MAPKAP1: variants seen among roughly 807,000 people sequenced by gnomAD.
The protein encoded by MAPKAP1 is target of rapamycin complex 2 subunit MAPKAP1.
Under a neutral mutation model 65.7 loss-of-function variants are expected in MAPKAP1, and 20 were observed. The ratio of observed to expected loss-of-function variants is 0.30; its 90% CI spans 0.21 to 0.44. The LOEUF (loss-of-function observed/expected upper bound fraction) is 0.44, where lower values mean the gene tolerates loss of function less well. MAPKAP1 is among the 20% of genes least tolerant of loss of function. The probability of loss-of-function intolerance (pLI) is 1.00; values close to 1 mark genes in which losing one functional copy is unlikely to be tolerated. For synonymous variants in MAPKAP1, 222 were observed against 244.3 expected (o/e 0.91, Z 0.85); for missense variants, 423 against 648.0 (o/e 0.65, Z 3.77).
rs747353578 is a variant in MAPKAP1, at chr9:125,601,524, ATCATTATTTAGAAAG to A, written c.499-15812_499-15798del. On this transcript the variant is annotated intron_variant, in intron 4 of 11. Coordinates refer to ENST00000265960, the MANE Select transcript of MAPKAP1 (RefSeq NM_001006617.3). ...TGATATAACTCAAAAATTTCACTGT[ATCATTATTTAGAAAG>A]TCATAAAAATCTCTTAAAATTAATC... Among the ~76,000 whole-genome samples the A allele has an allele frequency of 1.6e-3, 240 of 152,344 alleles. 1 individual carries two copies. The highest frequency in any genetic ancestry group is 1.8e-3 in the Non-Finnish European group (123 of 68,034).
rs1831762187 is a variant in MAPKAP1, at chr9:125,585,702, T to C, written c.524A>G (p.Lys175Arg). 3.7e-6 allele frequency: 6 copies of C among 1,614,208 alleles called. No homozygotes were observed. Among genetic ancestry groups the C allele is most frequent in the Non-Finnish European group, 5.1e-6 (6 of 1,180,024 alleles). Residue 175 changes from lysine to arginine, a missense_variant, in exon 5 of 12, where the codon AAG (lysine) becomes AGG (arginine). Physicochemically the swap from Lys to Arg is conservative, Grantham distance 26. Transcript: ENST00000265960. ...GKGHVGTTAT[K>R]KIDVYLPLHS... is the part of the protein sequence containing the mutation. ...CAGAGGGAGGTAGACATCGATCTTC[T>C]TGGTTGCTGTTGTACCTACATGACC...
rs1188962267 is a variant in MAPKAP1 at position 125,672,443 on chromosome 9, A to G, written c.132T>C (p.Pro44=). The change falls in exon 2 of 12, where the codon CCT becomes CCC. Residue 44 remains proline (P), a synonymous_variant. Transcript: ENST00000265960. ...HDVDLEKIHP[P]SMPGDSGSEI... is the part of the protein sequence containing the mutation. ...CTGACCCACTGTCTCCAGGCATTGA[A>G]GGAGGATGAATCTTCTCTAGGTCAA... The G allele has an allele frequency of 1.9e-6, 3 of 1,614,186 alleles. No individual in the cohort carries two copies. Among genetic ancestry groups the G allele is most frequent in the Non-Finnish European group, 2.5e-6 (3 of 1,180,038 alleles).
chr9:125,482,379 A>G (rs1000823881), intron 9 of MAPKAP1, among the ~76,000 whole-genome samples: 7 of 152,214 alleles, frequency 4.6e-5, no homozygotes, highest in Non-Finnish European at 1.0e-4. Flanking sequence ...TGTGAATGTC[A>G]TATAATAGAA....
intron 1 of MAPKAP1, among the ~76,000 whole-genome samples, chr9:125,706,063 G>C (rs1015669496): frequency 6.6e-6 from 1 of 152,142 alleles, no homozygotes; most frequent in African/African-American, 2.4e-5. Context: ...CCCAAATCCC[G>C]CAGGTGTGTA....
intron 4 of MAPKAP1, among the ~76,000 whole-genome samples, chr9:125,627,310 C>T (rs1460354694): frequency 1.3e-5 from 2 of 152,248 alleles, no homozygotes; most frequent in Non-Finnish European, 1.5e-5. Flanking sequence ...ATCTTGGGCA[C>T]ATTTCCAATA....
intron 9 of MAPKAP1, among the ~76,000 whole-genome samples, chr9:125,478,632 G>A (rs1018883395): frequency 3.9e-5 from 6 of 152,054 alleles, no homozygotes; most frequent in Admixed American, 3.3e-4. Flanking sequence ...GCCCAGTCTG[G>A]GGGTGAATTA....
chr9:125,511,053 GCACCTACCT>G (rs1265896354), intron 7 of MAPKAP1, among the ~76,000 whole-genome samples: 1 of 152,106 alleles, frequency 6.6e-6, no homozygotes, highest in Non-Finnish European at 1.5e-5. Flanking sequence ...GATAATAATA[GCACCTACCT>G]CACAGGATTG....
At chr9:125,490,910 G>T (rs1854686289) in intron 8 of MAPKAP1, among the ~76,000 whole-genome samples, 1 of 152,138 alleles carries the variant, frequency 6.6e-6, no homozygotes, top group African/African-American at 2.4e-5. Context: ...GGCCAAGGTG[G>T]GCGGACCACT....
At chr9:125,562,410 C>T (rs1472653257) in intron 5 of MAPKAP1, among the ~76,000 whole-genome samples, 1 of 152,228 alleles carries the variant, frequency 6.6e-6, no homozygotes. Flanking sequence ...AGACTGATTC[C>T]TGCCATATTA....
chr9:125,589,337 G>GAGA (rs1390738977), intron 4 of MAPKAP1, among the ~76,000 whole-genome samples: 5 of 152,204 alleles, frequency 3.3e-5, no homozygotes, highest in Non-Finnish European at 5.9e-5. Context: ...AGTTTCCTCT[G>GAGA]AACTTCCTTG....
chr9:125,609,053 A>G (rs1457857250), intron 4 of MAPKAP1, among the ~76,000 whole-genome samples: 1 of 152,186 alleles, frequency 6.6e-6, no homozygotes, highest in African/African-American at 2.4e-5. Flanking sequence ...AGAGAAAAAA[A>G]CCTAAATGCT....
At chr9:125,653,431 T>C (rs756820831) in intron 4 of MAPKAP1, among the ~76,000 whole-genome samples, 9 of 152,182 alleles carry the variant, frequency 5.9e-5, no homozygotes, top group Non-Finnish European at 7.4e-5. Flanking sequence ...TGGGGAAATT[T>C]TGCAAACCCT....
Position 125,595,665 on chromosome 9 carries a change from G to A in MAPKAP1, c.499-9938C>T. The A allele has an allele frequency of 6.6e-7, 1 of 1,506,818 alleles. No individual in the cohort carries two copies. Among genetic ancestry groups the A allele is most frequent in the Non-Finnish European group, 8.8e-7 (1 of 1,133,444 alleles). 93.3% of individuals were successfully genotyped at this position (1,506,818 alleles called of 1,614,324 possible). The stretch of plus-strand genomic sequence containing the variant: ...CATCGTTAAAGTCTCTCTTCTCCCT[G>A]CCGTCCTAAGTCAGAGTCTCCTAAA... On this transcript the variant is annotated intron_variant, in intron 4 of 11. Coordinates refer to ENST00000265960, the MANE Select transcript of MAPKAP1 (RefSeq NM_001006617.3). The surrounding 1 kb of genome is among the most constrained non-coding windows in gnomAD (Gnocchi z 4.0).
At chr9:125,459,548 T>C (rs1203870231) in intron 10 of MAPKAP1, among the ~76,000 whole-genome samples, 1 of 152,022 alleles carries the variant, frequency 6.6e-6, no homozygotes, top group African/African-American at 2.4e-5. Context: ...TGAACGAGAC[T>C]CCGTCTGCAA....
chr9:125,501,819 C>T lies in MAPKAP1; in HGVS notation c.1066+4491G>A, dbSNP rs542119395. Among the ~76,000 whole-genome samples, 44 of 152,028 alleles carry T rather than the reference C, an allele frequency of 2.9e-4. No homozygotes were observed. In the East Asian group the frequency reaches 6.9e-3, roughly 24 times the overall value. On this transcript the variant is annotated intron_variant, in intron 8 of 11. Transcript: ENST00000265960. ...TTCAAAATAATCTTGTATTTATTTA[C>T]AAGACAGGATCTTAATGTTTAATGA... is the stretch of plus-strand genomic sequence containing the variant.
chr9:125,645,062 G>C (rs748392341), intron 4 of MAPKAP1, among the ~76,000 whole-genome samples: 8 of 152,096 alleles, frequency 5.3e-5, no homozygotes, highest in Non-Finnish European at 1.2e-4. Flanking sequence ...AATTCATTCT[G>C]GGTCCTTTGT....
intron 8 of MAPKAP1, among the ~76,000 whole-genome samples, chr9:125,502,175 C>T (rs1466675077): frequency 6.6e-6 from 1 of 151,698 alleles, no homozygotes; most frequent in African/African-American, 2.4e-5. Context: ...GATCTCAGCT[C>T]ACTGCAACCT....
intron 9 of MAPKAP1, among the ~76,000 whole-genome samples, chr9:125,472,862 T>A (rs1853971376): frequency 6.6e-6 from 1 of 152,240 alleles, no homozygotes. Flanking sequence ...TAGAATTATA[T>A]CCTTTCCTTT....
At position 125,611,385 on chromosome 9, in the gene MAPKAP1, C is replaced by G. The variant is rs111834233; in HGVS notation, c.499-25658G>C. On this transcript the variant is annotated intron_variant, in intron 4 of 11. Transcript: ENST00000265960. ...TGAAGAAATTACCTAGAATGCAACC[C>G]AAAGAGACACAGAGATAGGAAATAA... 3.2e-3 allele frequency among the ~76,000 whole-genome samples: 494 copies of G among 152,090 alleles called. 2 individuals carry two copies. Among genetic ancestry groups the G allele is most frequent in the African/African-American group, 0.011 (468 of 41,484 alleles).
Sources: allele counts gnomAD v4.1 joint callset (sites outside exome capture counted in the v4.1 genomes callset), GRCh38; gene constraint gnomAD v4.1.1; non-coding constraint Gnocchi (gnomAD v3.1); transcripts MANE v1.5; gene names NCBI Gene and HGNC (gene_info 2026-07-23, HGNC 2026-07-21).